The following COL22A1 variants were observed in gnomAD, a reference collection of about 807,000 sequenced individuals.
COL22A1 encodes collagen type XXII alpha 1 chain, also known as collagen alpha-1(XXII) chain.
Under a neutral mutation model 248.9 loss-of-function variants are expected in COL22A1, and 221 were observed. The ratio of observed to expected loss-of-function variants is 0.89; its 90% CI spans 0.80 to 0.99. The LOEUF is 0.99. COL22A1 is among the 50% of genes least tolerant of loss of function. The pLI, the probability that COL22A1 is intolerant of heterozygous loss-of-function variation, is 0.00. For synonymous variants in COL22A1, 891 were observed against 793.4 expected (o/e 1.12, Z -2.07); for missense variants, 2,240 against 2,179.0 (o/e 1.03, Z -0.56).
intron 3 of COL22A1, among the ~76,000 whole-genome samples, chr8:138,844,635 G>A (rs1056745595): frequency 3.9e-5 from 6 of 152,178 alleles, no homozygotes; most frequent in South Asian, 2.1e-4. Context: ...GGTGATACAG[G>A]CAGAGGGAAC....
chr8:138,637,513 G>C (rs1417516433), intron 47 of COL22A1, among the ~76,000 whole-genome samples: 1 of 152,102 alleles, frequency 6.6e-6, no homozygotes, highest in African/African-American at 2.4e-5. Flanking sequence ...AAATGTTAGA[G>C]AATAAAATAA....
chr8:138,676,647 G>T lies in COL22A1; in HGVS notation c.3073-12C>A. The T allele has an allele frequency of 6.5e-7, 1 of 1,548,146 alleles. No homozygotes were observed. The highest frequency in any genetic ancestry group is 1.2e-5 in the South Asian group (1 of 84,246). The stretch of plus-strand genomic sequence containing the variant: ...GCTCCTCGATCCCCCTAGAAAGAGA[G>T]AAAAATAAGATCAAGGAGGTCAGTG... On this transcript the variant is annotated splice_polypyrimidine_tract_variant and intron_variant, in intron 40 of 64. Coordinates refer to ENST00000303045, the MANE Select transcript of COL22A1 (RefSeq NM_152888.3).
chr8:138,795,528 G>GACACACACACACAC (rs6150850), intron 12 of COL22A1, among the ~76,000 whole-genome samples: 25,495 of 144,592 alleles, frequency 0.18, 2,250 homozygotes, highest in South Asian at 0.25. Flanking sequence ...CTCTCTTTCA[G>GACACACACACACAC]ACACACACAC....
At position 138,657,334 on chromosome 8, in the gene COL22A1, A is replaced by T. The variant is rs534660690; in HGVS notation, c.3286-1390T>A. ...CCGTATATGTTTCCCCTAGGAAGTT[A>T]ATAATAGGAAAGGGTTCATATGGTT... On this transcript the variant is annotated intron_variant, in intron 44 of 64. Transcript: ENST00000303045. Among the ~76,000 whole-genome samples the T allele has an allele frequency of 4.6e-5, 7 of 152,360 alleles. No individual in the cohort carries two copies. In the East Asian group the frequency reaches 1.3e-3, roughly 29 times the overall value.
intron 44 of COL22A1, among the ~76,000 whole-genome samples, chr8:138,659,293 T>C (rs1461091580): frequency 6.6e-6 from 1 of 152,088 alleles, no homozygotes; most frequent in Non-Finnish European, 1.5e-5. Context: ...CCTGTCCAGG[T>C]CTCTGCTGTG....
At chr8:138,600,624 G>A (rs2131826788) in intron 60 of COL22A1, among the ~76,000 whole-genome samples, 1 of 152,280 alleles carries the variant, frequency 6.6e-6, no homozygotes, top group Admixed American at 6.5e-5. Flanking sequence ...TGAGATGGAA[G>A]GGGCACAAAG....
At chr8:138,844,689 G>A (rs566240458) in intron 3 of COL22A1, among the ~76,000 whole-genome samples, 91 of 152,130 alleles carry the variant, frequency 6.0e-4, no homozygotes, top group South Asian at 4.2e-4. Context: ...GGTGGCTCAC[G>A]CCTGTAATCC....
intron 61 of COL22A1, among the ~76,000 whole-genome samples, chr8:138,598,319 A>G (rs1817713000): frequency 6.6e-6 from 1 of 152,176 alleles, no homozygotes; most frequent in South Asian, 2.1e-4. Context: ...ATGGTAAACC[A>G]TCCCACAGTG....
At chr8:138,661,732 T>C (rs548050583) in intron 43 of COL22A1, among the ~76,000 whole-genome samples, 61 of 149,230 alleles carry the variant, frequency 4.1e-4, no homozygotes, top group Non-Finnish European at 7.8e-4. Flanking sequence ...CAGAACTGAC[T>C]AGGGTATGTA....
At chr8:138,647,181 A>G (rs1328582932) in intron 46 of COL22A1, among the ~76,000 whole-genome samples, 1 of 152,136 alleles carries the variant, frequency 6.6e-6, no homozygotes, top group Non-Finnish European at 1.5e-5. Flanking sequence ...AGCTCTGCAG[A>G]GAGGCCCACC....
At chr8:138,863,334 C>T (rs1190527535) in intron 3 of COL22A1, among the ~76,000 whole-genome samples, 9 of 151,928 alleles carry the variant, frequency 5.9e-5, no homozygotes, top group Non-Finnish European at 1.3e-4. Flanking sequence ...TAATCTGTTG[C>T]TCGGTCAGAG....
chr8:138,606,307 C>A, intron 58 of COL22A1, 74 bp downstream of exon 58: 2 of 1,303,588 alleles, frequency 1.5e-6, no homozygotes, highest in Non-Finnish European at 2.2e-6. Flanking sequence ...CAGGAGGTGG[C>A]AGGGAAGGTA....
intron 3 of COL22A1, among the ~76,000 whole-genome samples, chr8:138,859,586 C>G (rs953807861): frequency 3.3e-5 from 5 of 152,196 alleles, no homozygotes; most frequent in Non-Finnish European, 7.3e-5. Context: ...CAAAACAGAG[C>G]TGTCACTGGG....
rs1359249026 is a variant in COL22A1 at position 138,877,927 on chromosome 8, C to T, written c.481G>A (p.Ala161Thr). Residue 161 changes from alanine (A) to threonine (T), a missense_variant, in exon 3 of 65, where the codon GCC becomes ACC. Ala to Thr is a moderately conservative substitution (Grantham distance 58, BLOSUM62 0). Coordinates refer to ENST00000303045, the MANE Select transcript of COL22A1 (RefSeq NM_152888.3). ...CCAGCGCGGTGGGCTGCCGCCGCGG[C>T]GTCCAGCACCAGGTCCTGGCTGCGG... ...DGRSQDLVLD[A>T]AAAAHRAGIR... is the part of the protein sequence containing the mutation. The T allele has an allele frequency of 1.9e-6, 3 of 1,605,402 alleles. No homozygotes were observed. Among genetic ancestry groups the T allele is most frequent in the Non-Finnish European group, 2.6e-6 (3 of 1,175,978 alleles).
chr8:138,805,982 T>TGGCG (rs1371905649), intron 10 of COL22A1, among the ~76,000 whole-genome samples: 1 of 96,520 alleles, frequency 1.0e-5, no homozygotes. Context: ...GTGTGTGTGA[T>TGGCG]TGTGTGTGAT....
chr8:138,616,415 A>G (rs1314795961), intron 54 of COL22A1, among the ~76,000 whole-genome samples: 2 of 152,182 alleles, frequency 1.3e-5, no homozygotes, highest in African/African-American at 4.8e-5. Flanking sequence ...CATGCAAGGG[A>G]TCTAACCAGC....
At chr8:138,598,496 G>T (rs1337969813) in intron 61 of COL22A1, among the ~76,000 whole-genome samples, 2 of 152,230 alleles carry the variant, frequency 1.3e-5, no homozygotes, top group African/African-American at 2.4e-5. Context: ...AGCTAGACAC[G>T]TTATTTCACT....
intron 3 of COL22A1, among the ~76,000 whole-genome samples, chr8:138,860,324 G>C (rs1405678111): frequency 2.0e-5 from 3 of 152,236 alleles, no homozygotes; most frequent in Non-Finnish European, 4.4e-5. Flanking sequence ...GGCTAAGCCA[G>C]GGAGGGTCCA....
chr8:138,591,897 AC>A (rs1272987429), intron 63 of COL22A1, among the ~76,000 whole-genome samples: 1 of 152,176 alleles, frequency 6.6e-6, no homozygotes, highest in Admixed American at 6.5e-5. Flanking sequence ...AAATGTACAC[AC>A]CTACACACTC....
Sources: gnomAD v4.1 joint callset for allele counts (sites outside exome capture counted in the v4.1 genomes callset) on GRCh38, gnomAD v4.1.1 for gene constraint, MANE v1.5 for transcripts, NCBI Gene and HGNC (gene_info 2026-07-23, HGNC 2026-07-21) for gene names.